EYS: variants seen among roughly 807,000 people sequenced by gnomAD.
EYS encodes EGF-like photoreceptor maintenance factor, also known as protein eyes shut homolog.
EYS carries 250 observed loss-of-function variants against 282.1 expected under a neutral mutation model. The ratio of observed to expected loss-of-function variants is 0.89; its 90% CI spans 0.80 to 0.98. EYS has a LOEUF of 0.98. Ranked by LOEUF, EYS falls within the 50% of genes least tolerant of loss-of-function variation. The probability of loss-of-function intolerance (pLI) is 0.00; values close to 1 mark genes in which losing one functional copy is unlikely to be tolerated. For missense variants in EYS, 4,016 were observed against 3,709.0 expected, an observed-to-expected ratio of 1.08 and a Z score of -2.15; for synonymous variants, 1,355 against 1,282.9, an observed-to-expected ratio of 1.06 and a Z score of -1.20.
chr6:65,068,593 T>C (rs1773816300), intron 12 of EYS, among the ~76,000 whole-genome samples: 1 of 151,998 alleles, frequency 6.6e-6, no homozygotes, highest in Non-Finnish European at 1.5e-5. Flanking sequence ...AACATGTGAG[T>C]TCCAGGTGGG....
chr6:65,016,575 G>A (rs957015455), intron 13 of EYS, among the ~76,000 whole-genome samples: 4 of 152,144 alleles, frequency 2.6e-5, no homozygotes, highest in South Asian at 2.1e-4. Context: ...CTGTGCAAGA[G>A]GCATCATGTA....
intron 26 of EYS, among the ~76,000 whole-genome samples, chr6:64,555,442 G>A (rs923836760): frequency 1.3e-5 from 2 of 151,766 alleles, no homozygotes; most frequent in Non-Finnish European, 1.5e-5. Flanking sequence ...ATGACACAGC[G>A]ACTATAGTTA....
At chr6:64,414,453 G>A (rs1237836007) in intron 28 of EYS, among the ~76,000 whole-genome samples, 1 of 152,006 alleles carries the variant, frequency 6.6e-6, no homozygotes, top group Non-Finnish European at 1.5e-5. Context: ...CTATGTTCCA[G>A]CATCTTATAT....
intron 22 of EYS, among the ~76,000 whole-genome samples, chr6:64,812,470 G>A (rs1764626991): frequency 6.6e-6 from 1 of 151,902 alleles, no homozygotes; most frequent in South Asian, 2.1e-4. Context: ...AAATACAGTA[G>A]ATACCAAAAT....
At position 64,912,758 on chromosome 6, in the gene EYS, T is replaced by A. The variant is rs1768041821; in HGVS notation, c.2382-15A>T. On this transcript the variant is annotated splice_polypyrimidine_tract_variant and intron_variant, in intron 15 of 42. Coordinates refer to ENST00000503581, the MANE Select transcript of EYS (RefSeq NM_001142800.2). Reference sequence around the variant, plus strand: ...TACACTCACATCTGAAATAAAATATTAAAATTTTTAGAAGTGTGAACTCTT... The same window carrying A: ...TACACTCACATCTGAAATAAAATATAAAAATTTTTAGAAGTGTGAACTCTT... 1 of 1,320,078 alleles carries A rather than the reference T, an allele frequency of 7.6e-7. No homozygotes were observed. Among genetic ancestry groups the A allele is most frequent in the Non-Finnish European group, 9.8e-7 (1 of 1,023,484 alleles). The allele number at this position is 1,320,078 out of a possible 1,614,324, so 81.8% of individuals were successfully genotyped here.
intron 28 of EYS, among the ~76,000 whole-genome samples, chr6:64,414,623 T>C (rs901716691): frequency 1.3e-5 from 2 of 152,118 alleles, no homozygotes; most frequent in Non-Finnish European, 2.9e-5. Flanking sequence ...ATGCAAATAA[T>C]AAACAAGGAC....
chr6:64,480,740 A>G (rs1267739137), intron 26 of EYS, among the ~76,000 whole-genome samples: 4 of 151,816 alleles, frequency 2.6e-5, no homozygotes, highest in African/African-American at 9.7e-5. Context: ...CAGTTTAGCT[A>G]AAATGAGGTT....
intron 33 of EYS, among the ~76,000 whole-genome samples, chr6:64,030,819 A>T (rs1016311113): frequency 1.3e-5 from 2 of 152,162 alleles, no homozygotes; most frequent in African/African-American, 4.8e-5. Flanking sequence ...AACAACTTCT[A>T]CTGAGGACCC....
At chr6:64,393,015 A>G (rs1773212524) in intron 28 of EYS, among the ~76,000 whole-genome samples, 1 of 152,340 alleles carries the variant, frequency 6.6e-6, no homozygotes, top group African/African-American at 2.4e-5. Context: ...CGCAAATACT[A>G]AAGTAGAAAA....
intron 15 of EYS, among the ~76,000 whole-genome samples, chr6:64,945,370 T>C (rs1016841890): frequency 6.6e-6 from 1 of 151,978 alleles, no homozygotes; most frequent in African/African-American, 2.4e-5. Context: ...ATAAAATATA[T>C]CAAAAATTTT....
Position 63,721,483 on chromosome 6 carries a change from G to A in EYS, c.8548C>T (p.Gln2850Ter). ...EPVGFQGCIR[Q>*]VIINNQELQL... ...AATTCTTGATTATTTATGATAACTT[G>A]TCGGATACAGCCTTGAAAACCTACA... The change falls in exon 43 of 43, where the codon CAA (glutamine) becomes TAA (stop). Residue 2850 changes from glutamine (Q) to a stop codon, truncating the protein, a stop_gained. Transcript: ENST00000503581. LOFTEE classifies it low-confidence loss of function (END_TRUNC). 6.4e-7 allele frequency: 1 copy of A among 1,551,462 alleles called. No homozygotes were observed. The highest frequency in any genetic ancestry group is 8.7e-7 in the Non-Finnish European group (1 of 1,146,812).
chr6:64,768,002 T>A (rs1192088524), intron 22 of EYS, among the ~76,000 whole-genome samples: 1 of 152,152 alleles, frequency 6.6e-6, no homozygotes, highest in African/African-American at 2.4e-5. Flanking sequence ...TAATACCTTA[T>A]TGCGATTTTG....
chr6:65,315,520 A>G (rs1769274626), intron 11 of EYS, among the ~76,000 whole-genome samples: 1 of 151,720 alleles, frequency 6.6e-6, no homozygotes, highest in South Asian at 2.1e-4. Flanking sequence ...CTCTTTTCCA[A>G]CTTTCTATAA....
intron 22 of EYS, among the ~76,000 whole-genome samples, chr6:64,745,219 CTGAGA>C (rs970463914): frequency 6.6e-6 from 1 of 152,016 alleles, no homozygotes; most frequent in African/African-American, 2.4e-5. Flanking sequence ...AATGACTGTT[CTGAGA>C]TATGTATAAT....
intron 35 of EYS, among the ~76,000 whole-genome samples, chr6:63,905,475 G>A (rs944865567): frequency 7.3e-5 from 11 of 151,380 alleles, no homozygotes; most frequent in Non-Finnish European, 1.0e-4. Flanking sequence ...GATTACAGGC[G>A]CCCGCCACCA....
rs995724115 is a variant in EYS, at chr6:65,236,400, A to G, written c.2023+59463T>C. Reference sequence around the variant, plus strand: ...GCCAAGGCAGGTGGATCACGAGGTCAGGAGTTCAAGACTAGCCTGCCCAAT... The same window carrying G: ...GCCAAGGCAGGTGGATCACGAGGTCGGGAGTTCAAGACTAGCCTGCCCAAT... On this transcript the variant is annotated intron_variant, in intron 12 of 42. Coordinates refer to ENST00000503581, the MANE Select transcript of EYS (RefSeq NM_001142800.2). Among the ~76,000 whole-genome samples the G allele has an allele frequency of 4.8e-4, 73 of 152,150 alleles. 2 individuals carry two copies. The highest frequency in any genetic ancestry group is 4.8e-3 in the Admixed American group (73 of 15,270).
In EYS at chr6:65,301,387, A is replaced by C. The variant is rs1418826579; in HGVS notation, c.1767-5268T>G. Among the ~76,000 whole-genome samples, 5 of 152,340 alleles carry C rather than the reference A, an allele frequency of 3.3e-5. No homozygotes were observed. The East Asian group carries it at 9.7e-4, about 29-fold the overall frequency. Reference sequence around the variant, plus strand: ...GCGTCATAGAGGAACTACACCTTCCAGAACCCTCGCGCCCTGCGTCGTGCT... The same window carrying C: ...GCGTCATAGAGGAACTACACCTTCCCGAACCCTCGCGCCCTGCGTCGTGCT... On this transcript the variant is annotated intron_variant, in intron 11 of 42. Coordinates refer to ENST00000503581, the MANE Select transcript of EYS (RefSeq NM_001142800.2).
At chr6:65,451,712 A>T (rs1048160407) in intron 5 of EYS, among the ~76,000 whole-genome samples, 20 of 148,750 alleles carry the variant, frequency 1.3e-4, no homozygotes, top group Non-Finnish European at 2.4e-4. Context: ...TGTTTTTTTA[A>T]TTGCTACTTC....
chr6:65,267,605 A>G (rs1767792720), intron 12 of EYS, among the ~76,000 whole-genome samples: 1 of 151,800 alleles, frequency 6.6e-6, no homozygotes, highest in South Asian at 2.1e-4. Context: ...TTATGTATGT[A>G]TTTTTCTGTC....
Sources: allele counts gnomAD v4.1 joint callset (sites outside exome capture counted in the v4.1 genomes callset), GRCh38; gene constraint gnomAD v4.1.1; transcripts MANE v1.5; gene names NCBI Gene and HGNC (gene_info 2026-07-23, HGNC 2026-07-21).